The following FMNL2 variants were observed in gnomAD, a reference collection of about 807,000 sequenced individuals.
FMNL2 encodes formin-like protein 2.
Under a neutral mutation model 130.2 loss-of-function variants are expected in FMNL2, and 51 were observed. The observed-to-expected ratio is 0.39, with a 90% CI of 0.31 to 0.49. The LOEUF (loss-of-function observed/expected upper bound fraction) is 0.49. Among genes scored for constraint, FMNL2 ranks in the 20% least tolerant of loss-of-function variants. FMNL2 has a pLI of 0.85. For synonymous variants in FMNL2, 465 were observed against 467.1 expected (o/e 1.00, Z 0.06); for missense variants, 977 against 1,316.2 (o/e 0.74, Z 3.99).
intron 1 of FMNL2, among the ~76,000 whole-genome samples, chr2:152,349,253 G>A (rs545969078): frequency 4.6e-5 from 7 of 152,314 alleles, no homozygotes; most frequent in African/African-American, 1.7e-4. Flanking sequence ...AAAACTCCGG[G>A]GTGCATTCCA....
At chr2:152,540,095 T>A (rs532637399) in intron 2 of FMNL2, among the ~76,000 whole-genome samples, 260 of 151,982 alleles carry the variant, frequency 1.7e-3, no homozygotes, top group Non-Finnish European at 1.9e-3. Context: ...CTCAAAAAAA[T>A]TTTTTTTGAA....
At chr2:152,458,617 T>C (rs1689080965) in intron 1 of FMNL2, among the ~76,000 whole-genome samples, 1 of 152,190 alleles carries the variant, frequency 6.6e-6, no homozygotes, top group Admixed American at 6.5e-5. Flanking sequence ...TATACCACCA[T>C]CCTAAAATAC....
chr2:152,647,975 C>A lies in FMNL2; in HGVS notation c.*70C>A. ...CTGCCCACATGAACTTTATGTGCTA[C>A]GATTTAACTGCAGCCTTGAACACAC... On this transcript the variant is annotated 3_prime_UTR_variant, in exon 26 of 26. Transcript: ENST00000288670. The A allele has an allele frequency of 8.0e-7, 1 of 1,244,978 alleles. No individual in the cohort carries two copies. The highest frequency in any genetic ancestry group is 1.4e-5 in the South Asian group (1 of 71,846). 77.1% of individuals were successfully genotyped at this position (1,244,978 alleles called of 1,614,324 possible). A position where few individuals can be genotyped will look rare whatever the true frequency, so the allele number is the denominator to read the frequency against.
At chr2:152,616,329 T>TTC (rs1228648877) in intron 12 of FMNL2, among the ~76,000 whole-genome samples, 2 of 136,648 alleles carry the variant, frequency 1.5e-5, no homozygotes, top group African/African-American at 5.7e-5. Context: ...TTTTGTGGGT[T>TTC]TTTTTTTTTT....
chr2:152,380,306 T>C (rs1373223064), intron 1 of FMNL2, among the ~76,000 whole-genome samples: 1 of 152,220 alleles, frequency 6.6e-6, no homozygotes, highest in Non-Finnish European at 1.5e-5. Flanking sequence ...TTGGTGAGCC[T>C]TGGAAAGCTT....
intron 1 of FMNL2, among the ~76,000 whole-genome samples, chr2:152,378,167 A>G (rs1684275418): frequency 6.6e-6 from 1 of 152,112 alleles, no homozygotes; most frequent in Admixed American, 6.6e-5. Context: ...TTACTCTGCA[A>G]ACAATCTCAC....
intron 1 of FMNL2, among the ~76,000 whole-genome samples, chr2:152,378,865 C>T (rs1579520700): frequency 2.0e-5 from 3 of 151,194 alleles, no homozygotes; most frequent in South Asian, 4.2e-4. Context: ...TTCTTCATGG[C>T]GTGAGTTTTC....
At chr2:152,544,484 G>A (rs1468654283) in intron 3 of FMNL2, among the ~76,000 whole-genome samples, 1 of 152,106 alleles carries the variant, frequency 6.6e-6, no homozygotes, top group Non-Finnish European at 1.5e-5. Context: ...GTGTTTTTCT[G>A]CACTATTTCT....
chr2:152,563,360 A>G (rs1385028754), intron 6 of FMNL2, among the ~76,000 whole-genome samples: 5 of 152,174 alleles, frequency 3.3e-5, no homozygotes, highest in African/African-American at 7.2e-5. Flanking sequence ...ATTCTGCTTT[A>G]TGGTTTCTAG....
intron 1 of FMNL2, among the ~76,000 whole-genome samples, chr2:152,432,450 CACAT>C (rs1558859272): frequency 1.3e-5 from 2 of 152,198 alleles, no homozygotes; most frequent in Admixed American, 6.5e-5. Flanking sequence ...CCAGGAAACA[CACAT>C]GCATGCACAC....
chr2:152,550,358 T>C (rs1694868648), intron 4 of FMNL2, among the ~76,000 whole-genome samples: 1 of 152,222 alleles, frequency 6.6e-6, no homozygotes, highest in Non-Finnish European at 1.5e-5. Flanking sequence ...GAATGAAATA[T>C]TCAGAAAATG....
At chr2:152,374,406 C>T (rs1304934871) in intron 1 of FMNL2, among the ~76,000 whole-genome samples, 1 of 152,092 alleles carries the variant, frequency 6.6e-6, no homozygotes, top group East Asian at 1.9e-4. Context: ...CTTTAGCACG[C>T]AGATTTTCTT....
intron 1 of FMNL2, among the ~76,000 whole-genome samples, chr2:152,506,318 C>A (rs1234327153): frequency 6.6e-6 from 1 of 152,064 alleles, no homozygotes; most frequent in Non-Finnish European, 1.5e-5. Flanking sequence ...TCTGGGACCC[C>A]CTCCCCATGG....
intron 2 of FMNL2, among the ~76,000 whole-genome samples, chr2:152,542,056 C>A (rs954924596): frequency 1.3e-5 from 2 of 152,120 alleles, no homozygotes; most frequent in Non-Finnish European, 2.9e-5. Flanking sequence ...TTGGGCCCCA[C>A]CTCTGACCTA....
chr2:152,398,015 T>TG (rs1685493713), intron 1 of FMNL2, among the ~76,000 whole-genome samples: 1 of 152,082 alleles, frequency 6.6e-6, no homozygotes, highest in South Asian at 2.1e-4. Flanking sequence ...ATCCCAGCCT[T>TG]GGGAGGCTGA....
At chr2:152,471,091 A>G (rs998304065) in intron 1 of FMNL2, among the ~76,000 whole-genome samples, 1 of 151,984 alleles carries the variant, frequency 6.6e-6, no homozygotes, top group African/African-American at 2.4e-5. Flanking sequence ...ATGTCTAAAG[A>G]GGCAAGGAAT....
chr2:152,363,535 G>A (rs1481881814), intron 1 of FMNL2, among the ~76,000 whole-genome samples: 1 of 151,796 alleles, frequency 6.6e-6, no homozygotes, highest in African/African-American at 2.4e-5. Flanking sequence ...TATCTTCAGT[G>A]GCAGGCTCAG....
intron 2 of FMNL2, among the ~76,000 whole-genome samples, chr2:152,523,184 A>G (rs542814162): frequency 4.1e-4 from 63 of 152,266 alleles, no homozygotes; most frequent in South Asian, 2.1e-4. Flanking sequence ...AAAAGAAACT[A>G]TATAAATAAG....
chr2:152,497,674 C>T (rs751732024), intron 1 of FMNL2, among the ~76,000 whole-genome samples: 2 of 152,120 alleles, frequency 1.3e-5, no homozygotes, highest in Non-Finnish European at 2.9e-5. Context: ...TTTTTTTATA[C>T]TTGAAAGGTG....
Sources: allele counts gnomAD v4.1 joint callset (sites outside exome capture counted in the v4.1 genomes callset), GRCh38; gene constraint gnomAD v4.1.1; transcripts MANE v1.5; gene names NCBI Gene and HGNC (gene_info 2026-07-23, HGNC 2026-07-21).